Variants in MDGA2 observed in about 807,000 individuals in gnomAD.
MDGA2 encodes the protein MAM domain-containing glycosylphosphatidylinositol anchor protein 2.
In MDGA2, 40 loss-of-function variants were observed where a neutral mutation model predicts 117.8. The ratio of observed to expected loss-of-function variants is 0.34; its 90% CI spans 0.26 to 0.44. MDGA2 has a LOEUF of 0.44. Ranked by LOEUF, MDGA2 falls within the 20% of genes least tolerant of loss-of-function variation. MDGA2 has a pLI of 1.00. For missense variants in MDGA2, 1,123 were observed against 1,250.6 expected (o/e 0.90, Z 1.54); for synonymous variants, 452 against 439.0 (o/e 1.03, Z -0.37).
At chr14:47,269,441 T>C (rs1233378348) in intron 2 of MDGA2, among the ~76,000 whole-genome samples, 1 of 152,122 alleles carries the variant, frequency 6.6e-6, no homozygotes, top group East Asian at 1.9e-4. Context: ...TCAGAGGACT[T>C]TGTGTCTTCA....
chr14:47,167,626 C>A (rs1273675226), intron 3 of MDGA2, among the ~76,000 whole-genome samples: 2 of 152,046 alleles, frequency 1.3e-5, no homozygotes, highest in African/African-American at 2.4e-5. Context: ...CTGATTGACA[C>A]TCCTCTCAGG....
intron 1 of MDGA2, among the ~76,000 whole-genome samples, chr14:47,561,525 A>C (rs1262888017): frequency 1.3e-5 from 2 of 152,132 alleles, no homozygotes; most frequent in East Asian, 3.9e-4. Context: ...TTTGGCTCCC[A>C]GCTTGCACGT....
At chr14:47,015,461 A>T (rs1268368235) in intron 8 of MDGA2, among the ~76,000 whole-genome samples, 1 of 152,048 alleles carries the variant, frequency 6.6e-6, no homozygotes, top group Non-Finnish European at 1.5e-5. Flanking sequence ...AAAAAAAGGA[A>T]GGAGAAATGT....
chr14:47,651,728 G>A (rs59828935), intron 1 of MDGA2, among the ~76,000 whole-genome samples: 8,293 of 152,212 alleles, frequency 0.054, 274 homozygotes, highest in East Asian at 0.086. Context: ...AAGGGATAAC[G>A]GTGGTGGCAG....
At chr14:47,476,531 G>C (rs1361799408) in intron 1 of MDGA2, among the ~76,000 whole-genome samples, 1 of 151,022 alleles carries the variant, frequency 6.6e-6, no homozygotes, top group African/African-American at 2.4e-5. Flanking sequence ...ATATATTCCT[G>C]AGTGAAGAAA....
At chr14:46,944,442 T>C (rs998012865) in intron 9 of MDGA2, among the ~76,000 whole-genome samples, 1 of 151,896 alleles carries the variant, frequency 6.6e-6, no homozygotes, top group Non-Finnish European at 1.5e-5. Context: ...TACGTGTGGT[T>C]TTCTTGTATT....
chr14:47,245,073 G>C (rs1887193559), intron 2 of MDGA2, among the ~76,000 whole-genome samples: 2 of 151,600 alleles, frequency 1.3e-5, no homozygotes, highest in African/African-American at 2.4e-5. Context: ...ACCCAGGCTG[G>C]AGTGCAGTGG....
intron 1 of MDGA2, among the ~76,000 whole-genome samples, chr14:47,458,844 T>G (rs996105935): frequency 5.9e-5 from 9 of 151,660 alleles, no homozygotes; most frequent in Non-Finnish European, 1.0e-4. Context: ...TTTGCACTCT[T>G]GTCCTCTGGG....
chr14:46,869,613 A>C (rs1186440965), intron 14 of MDGA2, among the ~76,000 whole-genome samples: 1 of 151,850 alleles, frequency 6.6e-6, no homozygotes, highest in Admixed American at 6.6e-5. Context: ...GCTCAACTCA[A>C]CCTAGGTCCT....
At chr14:47,083,364 T>G (rs1029660899) in intron 6 of MDGA2, among the ~76,000 whole-genome samples, 2 of 151,852 alleles carry the variant, frequency 1.3e-5, no homozygotes, top group Non-Finnish European at 2.9e-5. Flanking sequence ...GAAAGCTATA[T>G]AAAAACATAC....
chr14:47,250,315 C>T (rs781042491), intron 2 of MDGA2, among the ~76,000 whole-genome samples: 2 of 152,128 alleles, frequency 1.3e-5, no homozygotes, highest in Non-Finnish European at 2.9e-5. Flanking sequence ...AGCAAGACTG[C>T]CGTTGGTGAA....
At chr14:47,142,334 C>T (rs1218792500) in intron 4 of MDGA2, among the ~76,000 whole-genome samples, 3 of 152,100 alleles carry the variant, frequency 2.0e-5, no homozygotes, top group East Asian at 3.9e-4. Flanking sequence ...ATCCCAGCTA[C>T]TCAGGAGGCT....
Position 46,920,078 on chromosome 14 carries a change from T to A in MDGA2, c.2172A>T (p.Leu724=), listed in dbSNP as rs1265342645. 3.1e-6 allele frequency: 5 copies of A among 1,611,396 alleles called. No homozygotes were observed. The highest frequency in any genetic ancestry group is 4.2e-6 in the Non-Finnish European group (5 of 1,178,880). The change falls in exon 10 of 17, where the codon CTA becomes CTT. Residue 724 remains leucine, a synonymous_variant. Coordinates refer to ENST00000399232, the MANE Select transcript of MDGA2 (RefSeq NM_001113498.3). ...QNRHRVYSYS[L]QWTQMNPDAV... is the part of the protein sequence containing the mutation. The stretch of plus-strand genomic sequence containing the variant: ...CATCAGGATTCATCTGTGTCCACTG[T>A]AGACTGTAAGAATAAACACGGTGTC...
At chr14:47,161,741 T>C (rs1477179186) in intron 3 of MDGA2, among the ~76,000 whole-genome samples, 2 of 151,690 alleles carry the variant, frequency 1.3e-5, no homozygotes, top group African/African-American at 4.8e-5. Flanking sequence ...ATAAGGAAAC[T>C]TAGAACACTT....
At chr14:47,225,233 C>T (rs918791235) in intron 2 of MDGA2, among the ~76,000 whole-genome samples, 91 of 151,974 alleles carry the variant, frequency 6.0e-4, no homozygotes, top group African/African-American at 2.1e-3. Context: ...ACTAGTTCAA[C>T]CATTGTGGAA....
At chr14:47,080,015 G>T (rs1331975363) in intron 6 of MDGA2, among the ~76,000 whole-genome samples, 1 of 152,140 alleles carries the variant, frequency 6.6e-6, no homozygotes, top group Admixed American at 6.5e-5. Flanking sequence ...ACAGGCGTGA[G>T]CCACCGTGCC....
At chr14:47,650,050 G>T (rs1191951380) in intron 1 of MDGA2, among the ~76,000 whole-genome samples, 1 of 152,034 alleles carries the variant, frequency 6.6e-6, no homozygotes, top group Non-Finnish European at 1.5e-5. Flanking sequence ...AAAGCACATG[G>T]TCTCTCTAAT....
chr14:47,017,349 C>T (rs1191366209), intron 8 of MDGA2, among the ~76,000 whole-genome samples: 2 of 149,730 alleles, frequency 1.3e-5, no homozygotes, highest in East Asian at 3.9e-4. Context: ...TATTTTTGTA[C>T]TGTCTTTAGT....
chr14:47,284,963 A>T (rs2139751160), intron 2 of MDGA2, among the ~76,000 whole-genome samples: 1 of 152,326 alleles, frequency 6.6e-6, no homozygotes, highest in East Asian at 1.9e-4. Flanking sequence ...AATGCTTAGC[A>T]ATGTTCAGAC....
Sources: gnomAD v4.1 joint callset for allele counts (sites outside exome capture counted in the v4.1 genomes callset) on GRCh38, gnomAD v4.1.1 for gene constraint, MANE v1.5 for transcripts, NCBI Gene and HGNC (gene_info 2026-07-23, HGNC 2026-07-21) for gene names.